CAGE1: variants seen among roughly 807,000 people sequenced by gnomAD.
CAGE1 encodes the protein cancer antigen 1.
A neutral mutation model predicts 94.9 loss-of-function variants in CAGE1; 66 were observed. The ratio of observed to expected loss-of-function variants is 0.70; its 90% CI spans 0.57 to 0.85. The LOEUF is 0.85. Ranked by LOEUF, CAGE1 falls within the 40% of genes least tolerant of loss-of-function variation. The pLI, the probability that CAGE1 is intolerant of heterozygous loss-of-function variation, is 0.00. For synonymous variants in CAGE1, 319 were observed against 321.0 expected (o/e 0.99, Z 0.07); for missense variants, 865 against 950.4 (o/e 0.91, Z 1.18).
chr6:7,344,214 A>G (rs1014406038), intron 11 of CAGE1, among the ~76,000 whole-genome samples: 2 of 152,170 alleles, frequency 1.3e-5, no homozygotes, highest in African/African-American at 4.8e-5. Context: ...AGGGAGGTGT[A>G]GAGGGAGAGG....
intron 5 of CAGE1, among the ~76,000 whole-genome samples, chr6:7,371,329 A>ATT (rs547410613): frequency 4.0e-5 from 6 of 150,628 alleles, no homozygotes; most frequent in Non-Finnish European, 8.9e-5. Context: ...TAGATCTTAG[A>ATT]TTTTTTTTTT....
chr6:7,380,036 C>A (rs1471776784), intron 3 of CAGE1, among the ~76,000 whole-genome samples: 1 of 152,180 alleles, frequency 6.6e-6, no homozygotes, highest in Non-Finnish European at 1.5e-5. Flanking sequence ...CACCTCAAAT[C>A]GTGGAATCAG....
chr6:7,364,759 C>T (rs563937345), intron 9 of CAGE1, among the ~76,000 whole-genome samples: 10 of 151,900 alleles, frequency 6.6e-5, no homozygotes, highest in East Asian at 1.9e-4. Flanking sequence ...TGAGCCACCG[C>T]GCCTGGTCAA....
chr6:7,371,905 C>A (rs1452197998), intron 5 of CAGE1, among the ~76,000 whole-genome samples: 2 of 152,168 alleles, frequency 1.3e-5, no homozygotes, highest in East Asian at 3.8e-4. Flanking sequence ...TTAAGGCAGG[C>A]CTACACAACT....
At chr6:7,344,277 G>C (rs1353358071) in intron 11 of CAGE1, among the ~76,000 whole-genome samples, 2 of 152,218 alleles carry the variant, frequency 1.3e-5, no homozygotes, top group Non-Finnish European at 2.9e-5. Flanking sequence ...CTGGAGTTCC[G>C]GGTAGGCGTG....
Position 7,349,153 on chromosome 6 carries a change from G to A in CAGE1, c.2369+5888C>T, listed in dbSNP as rs549065104. On this transcript the variant is annotated intron_variant, in intron 11 of 13. Coordinates refer to ENST00000502583, the MANE Select transcript of CAGE1 (RefSeq NM_001170692.2). Reference sequence around the variant, plus strand: ...GATGAAAGAAAGAATCTTAAGAGCTGTGAGACAGAAGCACCAGGTAACCTA... The same window carrying A: ...GATGAAAGAAAGAATCTTAAGAGCTATGAGACAGAAGCACCAGGTAACCTA... Among the ~76,000 whole-genome samples, 3 of 152,310 alleles carry A rather than the reference G, an allele frequency of 2.0e-5. No individual in the cohort carries two copies. In the South Asian group the frequency reaches 6.2e-4, roughly 32 times the overall value.
chr6:7,338,062 T>C (rs923676215), intron 11 of CAGE1, among the ~76,000 whole-genome samples: 1 of 151,838 alleles, frequency 6.6e-6, no homozygotes, highest in East Asian at 1.9e-4. Flanking sequence ...CCTTATGTAG[T>C]TTATATTTTT....
At chr6:7,381,148 T>C (rs1175929024) in intron 3 of CAGE1, among the ~76,000 whole-genome samples, 1 of 152,220 alleles carries the variant, frequency 6.6e-6, no homozygotes, top group African/African-American at 2.4e-5. Context: ...AAAATTCATA[T>C]GCTGAAGCTC....
Position 7,339,239 on chromosome 6 carries a change from T to C in CAGE1, c.2370-5149A>G. 1 of 1,580,082 alleles carries C rather than the reference T, an allele frequency of 6.3e-7. No individual in the cohort carries two copies. Among genetic ancestry groups the C allele is most frequent in the Non-Finnish European group, 8.7e-7 (1 of 1,150,460 alleles). ...AGGCCCTCCGCACAGCAAGCCCTCC[T>C]AGGAGTTTGTAAGGCAGAGACTCTG... On this transcript the variant is annotated intron_variant, in intron 11 of 13. Transcript: ENST00000502583. This position sits in a 1 kb window ranked among gnomAD's most constrained non-coding sequence, Gnocchi z 4.7.
chr6:7,376,388 C>T (rs1162646744), intron 4 of CAGE1, among the ~76,000 whole-genome samples: 1 of 127,122 alleles, frequency 7.9e-6, no homozygotes, highest in Non-Finnish European at 1.7e-5. Flanking sequence ...GACTCCATCT[C>T]AAAATAAATA....
chr6:7,345,350 ACT>A (rs1041121001), intron 11 of CAGE1, among the ~76,000 whole-genome samples: 6 of 141,572 alleles, frequency 4.2e-5, no homozygotes, highest in East Asian at 2.0e-4. Context: ...GATGAAAGAA[ACT>A]CTGAACACAT....
intron 13 of CAGE1, among the ~76,000 whole-genome samples, chr6:7,328,823 AATC>A (rs370119552): frequency 7.3e-5 from 11 of 151,424 alleles, no homozygotes; most frequent in African/African-American, 2.4e-4. Context: ...ACACTGATGT[AATC>A]ATCACACATT....
chr6:7,387,064 T>C lies in CAGE1; in HGVS notation c.110A>G (p.Asn37Ser). The change falls in exon 2 of 14, where the codon AAT (asparagine) becomes AGT (serine). Residue 37 changes from asparagine to serine, a missense_variant. Physicochemically the swap from Asn to Ser is conservative, Grantham distance 46 (BLOSUM62 1). Transcript: ENST00000502583. The stretch of plus-strand genomic sequence containing the variant: ...TACACCTTGAGAAAGATTGCTGACA[T>C]TCATGGTATCCGATTCTGACATGCT... ...VESMSESDTM[N>S]VSNLSQGVML... 1 of 1,551,826 alleles carries C rather than the reference T, an allele frequency of 6.4e-7. No individual in the cohort carries two copies.
At chr6:7,375,531 GT>G (rs1439034440) in intron 4 of CAGE1, among the ~76,000 whole-genome samples, 1 of 152,166 alleles carries the variant, frequency 6.6e-6, no homozygotes, top group Non-Finnish European at 1.5e-5. Context: ...GAGACCAGGA[GT>G]TGGAGACCAG....
chr6:7,378,802 C>A lies in CAGE1; in HGVS notation c.502G>T (p.Glu168Ter). ...TCTGTATTTGCAGAAACACTAGTTTCCATTGGATTTTCTTCCTTAAATGAG... is the reference window on the plus strand; with the variant it reads ...TCTGTATTTGCAGAAACACTAGTTTACATTGGATTTTCTTCCTTAAATGAG... ...QDSFKEENPMETSVSANTDQL... is the reference protein window; with the variant it reads ...QDSFKEENPM The change falls in exon 4 of 14, where the codon GAA becomes TAA. Residue 168 changes from glutamate to a stop codon, truncating the protein, a stop_gained. Coordinates refer to ENST00000502583, the MANE Select transcript of CAGE1 (RefSeq NM_001170692.2). LOFTEE classifies it high-confidence loss of function. 1 of 1,613,670 alleles carries A rather than the reference C, an allele frequency of 6.2e-7. No homozygotes were observed. Among genetic ancestry groups the A allele is most frequent in the Non-Finnish European group, 8.5e-7 (1 of 1,179,778 alleles).
intron 9 of CAGE1, among the ~76,000 whole-genome samples, chr6:7,363,351 A>G (rs1760222101): frequency 6.6e-6 from 1 of 152,228 alleles, no homozygotes; most frequent in Admixed American, 6.5e-5. Context: ...TATTAAAATC[A>G]ACAATAAAAT....
At chr6:7,340,957 T>C in intron 11 of CAGE1, 1 of 431,102 alleles carries the variant, frequency 2.3e-6, no homozygotes, top group South Asian at 1.9e-5. Flanking sequence ...ATACAGGCTT[T>C]GCCACAGGAT....
chr6:7,328,138 G>T (rs1012535351), intron 13 of CAGE1, among the ~76,000 whole-genome samples: 1 of 152,166 alleles, frequency 6.6e-6, no homozygotes, highest in Non-Finnish European at 1.5e-5. Context: ...GGTGGCAGCA[G>T]CTGTGTCTGC....
chr6:7,378,456 T>C (rs1760828287), intron 4 of CAGE1, among the ~76,000 whole-genome samples, 161 bp downstream of exon 4: 1 of 152,084 alleles, frequency 6.6e-6, no homozygotes, highest in African/African-American at 2.4e-5. Flanking sequence ...TCAGATTATA[T>C]ATATATATAT....
Sources: gnomAD v4.1 joint callset for allele counts (sites outside exome capture counted in the v4.1 genomes callset) on GRCh38, gnomAD v4.1.1 for gene constraint, Gnocchi (gnomAD v3.1) non-coding constraint, MANE v1.5 for transcripts, NCBI Gene and HGNC (gene_info 2026-07-23, HGNC 2026-07-21) for gene names.